The following LAMA2 variants were observed in gnomAD, a reference collection of about 807,000 sequenced individuals.
LAMA2 encodes laminin subunit alpha-2.
LAMA2 carries 269 observed loss-of-function variants against 364.8 expected under a neutral mutation model. The ratio of observed to expected loss-of-function variants is 0.74; its 90% CI spans 0.67 to 0.82. LAMA2 has a LOEUF of 0.82. LAMA2 is among the 40% of genes least tolerant of loss of function. The pLI, the probability that LAMA2 is intolerant of heterozygous loss-of-function variation, is 0.00. For synonymous variants in LAMA2, 1,379 were observed against 1,370.6 expected, an observed-to-expected ratio of 1.01 and a Z score of -0.14; for missense variants, 3,807 against 3,873.2, an observed-to-expected ratio of 0.98 and a Z score of 0.45.
In LAMA2 at chr6:128,957,650, G is replaced by A. The variant is rs376157107; in HGVS notation, c.112+74293G>A. Among the ~76,000 whole-genome samples, 94 of 148,204 alleles carry A rather than the reference G, an allele frequency of 6.3e-4. 1 individual carries two copies. The South Asian group carries it at 0.019, about 29-fold the overall frequency. ...TGTAGAATAATCCTTTTTTGTTGTT[G>A]TTTTTAACACCCTTTTCTATGATGG... On this transcript the variant is annotated intron_variant, in intron 1 of 64. Transcript: ENST00000421865.
At chr6:128,920,807 A>G (rs1453590309) in intron 1 of LAMA2, among the ~76,000 whole-genome samples, 5 of 152,052 alleles carry the variant, frequency 3.3e-5, no homozygotes, top group Non-Finnish European at 7.4e-5. Flanking sequence ...GGACTTTGAC[A>G]TCTGCTCTTG....
chr6:129,093,885 G>A (rs1185274473), intron 3 of LAMA2, among the ~76,000 whole-genome samples: 1 of 152,126 alleles, frequency 6.6e-6, no homozygotes, highest in Non-Finnish European at 1.5e-5. Flanking sequence ...TGTTCTCTTA[G>A]GTTCCTCAAA....
intron 46 of LAMA2, among the ~76,000 whole-genome samples, chr6:129,453,692 A>T (rs188130621): frequency 6.6e-6 from 1 of 152,292 alleles, no homozygotes; most frequent in South Asian, 2.1e-4. Context: ...AATGAATATG[A>T]CTTCTTAACA....
At chr6:129,027,459 C>T (rs1785904304) in intron 1 of LAMA2, among the ~76,000 whole-genome samples, 1 of 151,944 alleles carries the variant, frequency 6.6e-6, no homozygotes, top group Admixed American at 6.6e-5. Flanking sequence ...TAAGAACTGT[C>T]AAGTGTTGAC....
chr6:129,475,779 C>T (rs983219673), intron 53 of LAMA2, among the ~76,000 whole-genome samples: 1 of 152,050 alleles, frequency 6.6e-6, no homozygotes, highest in African/African-American at 2.4e-5. Flanking sequence ...TTGAGTTGAA[C>T]CCCGGGCCCT....
chr6:129,305,429 A>G (rs1039965537), intron 22 of LAMA2, among the ~76,000 whole-genome samples: 1 of 151,816 alleles, frequency 6.6e-6, no homozygotes, highest in Non-Finnish European at 1.5e-5. Context: ...GGCTCAAGAA[A>G]TCCTCTCACC....
intron 12 of LAMA2, among the ~76,000 whole-genome samples, chr6:129,200,493 TAC>T (rs1782214534): frequency 6.6e-6 from 1 of 151,096 alleles, no homozygotes; most frequent in African/African-American, 2.4e-5. Context: ...TATGTGTATG[TAC>T]ACATATATAT....
intron 18 of LAMA2, among the ~76,000 whole-genome samples, chr6:129,286,096 T>C (rs1789094482): frequency 6.6e-6 from 1 of 152,128 alleles, no homozygotes; most frequent in African/African-American, 2.4e-5. Context: ...ATTTAAACCA[T>C]TTTTATTTCA....
At chr6:128,921,697 G>GTTTTTTTTTTTTTTTTTTTTTTTT (rs547882651) in intron 1 of LAMA2, among the ~76,000 whole-genome samples, 10 of 118,042 alleles carry the variant, frequency 8.5e-5, no homozygotes, top group African/African-American at 3.0e-4. Context: ...ATGAATGTCT[G>GTTTTTTTTTTTTTTTTTTTTTTTT]TTTTTTTTTT....
At chr6:128,989,376 T>C (rs1744143818) in intron 1 of LAMA2, among the ~76,000 whole-genome samples, 1 of 152,224 alleles carries the variant, frequency 6.6e-6, no homozygotes, top group Non-Finnish European at 1.5e-5. Flanking sequence ...CATATGCTAA[T>C]GTATAAAACA....
At chr6:129,413,394 G>C (rs1416077086) in intron 40 of LAMA2, among the ~76,000 whole-genome samples, 2 of 152,108 alleles carry the variant, frequency 1.3e-5, no homozygotes, top group Non-Finnish European at 2.9e-5. Flanking sequence ...CAAGCAAAGA[G>C]ACACAGATTT....
intron 41 of LAMA2, among the ~76,000 whole-genome samples, chr6:129,428,122 A>G (rs1781414148): frequency 6.6e-6 from 1 of 152,186 alleles, no homozygotes; most frequent in Admixed American, 6.6e-5. Flanking sequence ...TTTTAGTGTA[A>G]TAAGTTTTTA....
Position 128,907,080 on chromosome 6 carries a change from G to A in LAMA2, c.112+23723G>A, listed in dbSNP as rs1777531974. Among the ~76,000 whole-genome samples, 3 of 146,864 alleles carry A rather than the reference G, an allele frequency of 2.0e-5. No homozygotes were observed. In the South Asian group the frequency reaches 6.6e-4, roughly 32 times the overall value. On this transcript the variant is annotated intron_variant, in intron 1 of 64. Transcript: ENST00000421865. ...GAAGTCAGGTAGTGTGATGCCTCCA[G>A]CTTTGTTCTTTTGGCTTAGGATTGA... is the stretch of plus-strand genomic sequence containing the variant.
intron 4 of LAMA2, among the ~76,000 whole-genome samples, chr6:129,141,685 CA>C (rs1486662238): frequency 6.6e-6 from 1 of 151,976 alleles, no homozygotes; most frequent in African/African-American, 2.4e-5. Context: ...CCTCTCCTGT[CA>C]AAAAATGTAA....
intron 23 of LAMA2, among the ~76,000 whole-genome samples, chr6:129,314,223 A>C (rs1562448512): frequency 6.6e-6 from 1 of 151,952 alleles, no homozygotes; most frequent in African/African-American, 2.4e-5. Context: ...ACACGGTGAA[A>C]CCCCGTCTCT....
Position 129,453,140 on chromosome 6 carries a change from A to G in LAMA2, c.6573+9A>G, listed in dbSNP as rs764798906. On this transcript the variant is annotated intron_variant, in intron 46 of 64. Transcript: ENST00000421865. The stretch of plus-strand genomic sequence containing the variant: ...TTGGAAGTGCCAAATTTGTAAGTCT[A>G]ATATTCAACTTTTCATTAGGCTGCT... 6.2e-7 allele frequency: 1 copy of G among 1,610,608 alleles called. No homozygotes were observed. The highest frequency in any genetic ancestry group is 8.5e-7 in the Non-Finnish European group (1 of 1,177,816).
intron 60 of LAMA2, 125 bp downstream of exon 60, chr6:129,503,405 A>G: frequency 1.2e-6 from 1 of 854,102 alleles, no homozygotes; most frequent in Admixed American, 2.0e-5. Flanking sequence ...TAAAAATAAA[A>G]TAAGTGCCAT....
intron 16 of LAMA2, among the ~76,000 whole-genome samples, chr6:129,267,884 C>T (rs917716401): frequency 6.6e-6 from 1 of 152,064 alleles, no homozygotes; most frequent in Non-Finnish European, 1.5e-5. Context: ...CTGATTAACT[C>T]AAGGGCACAT....
At chr6:129,051,082 A>G (rs550372760) in intron 2 of LAMA2, among the ~76,000 whole-genome samples, 1 of 152,002 alleles carries the variant, frequency 6.6e-6, no homozygotes, top group African/African-American at 2.4e-5. Flanking sequence ...AAAGTCATCT[A>G]AAGATTTCTG....
Sources: allele counts gnomAD v4.1 joint callset (sites outside exome capture counted in the v4.1 genomes callset), GRCh38; gene constraint gnomAD v4.1.1; transcripts MANE v1.5; gene names NCBI Gene and HGNC (gene_info 2026-07-23, HGNC 2026-07-21).